The following SNTG1 variants were observed in gnomAD, a reference collection of about 807,000 sequenced individuals.
SNTG1 encodes syntrophin gamma 1.
Under a neutral mutation model 74.7 loss-of-function variants are expected in SNTG1, and 39 were observed. That is an observed-to-expected ratio of 0.52 (90% CI 0.40 to 0.68). The LOEUF (loss-of-function observed/expected upper bound fraction) is 0.68. Ranked by LOEUF, SNTG1 falls within the 30% of genes least tolerant of loss-of-function variation. The pLI is 0.00. For synonymous variants in SNTG1, 254 were observed against 217.1 expected, an observed-to-expected ratio of 1.17 and a Z score of -1.49; for missense variants, 685 against 609.5, an observed-to-expected ratio of 1.12 and a Z score of -1.30.
chr8:50,516,568 G>T (rs1563510993), intron 9 of SNTG1, among the ~76,000 whole-genome samples: 1 of 152,174 alleles, frequency 6.6e-6, no homozygotes, highest in South Asian at 2.1e-4. Context: ...TAGAGGAATT[G>T]CTAACTAGAA....
intron 1 of SNTG1, among the ~76,000 whole-genome samples, chr8:50,127,126 A>G (rs755710273): frequency 2.0e-5 from 3 of 152,150 alleles, no homozygotes; most frequent in Non-Finnish European, 4.4e-5. Context: ...CTGATTCTTT[A>G]AAACAGAAAG....
intron 2 of SNTG1, among the ~76,000 whole-genome samples, chr8:50,292,578 C>T (rs2089169499): frequency 1.3e-5 from 2 of 151,852 alleles, no homozygotes; most frequent in African/African-American, 2.4e-5. Context: ...TGTCTGGCGC[C>T]CAGATGGTCA....
At chr8:50,097,116 C>G (rs758519752) in intron 1 of SNTG1, among the ~76,000 whole-genome samples, 2 of 151,944 alleles carry the variant, frequency 1.3e-5, no homozygotes, top group Non-Finnish European at 2.9e-5. Flanking sequence ...ACTACAGGTG[C>G]CCACCACCAC....
chr8:50,012,362 A>G (rs1324672755), intron 1 of SNTG1, among the ~76,000 whole-genome samples: 1 of 152,138 alleles, frequency 6.6e-6, no homozygotes, highest in Non-Finnish European at 1.5e-5. Context: ...CTGCAATACA[A>G]TAAATCTCAT....
At chr8:50,412,156 T>A (rs933347248) in intron 4 of SNTG1, among the ~76,000 whole-genome samples, 4 of 152,348 alleles carry the variant, frequency 2.6e-5, no homozygotes, top group Non-Finnish European at 5.9e-5. Context: ...ATATTTATCT[T>A]AACGTGTTTT....
At chr8:50,667,469 C>A (rs920657348) in intron 15 of SNTG1, among the ~76,000 whole-genome samples, 1 of 151,932 alleles carries the variant, frequency 6.6e-6, no homozygotes, top group Non-Finnish European at 1.5e-5. Context: ...TGAAGGTCTA[C>A]CAGTTGTGTC....
intron 13 of SNTG1, among the ~76,000 whole-genome samples, chr8:50,641,173 A>G (rs1047489553): frequency 6.6e-6 from 1 of 152,178 alleles, no homozygotes; most frequent in Non-Finnish European, 1.5e-5. Flanking sequence ...ACTGACCTGA[A>G]GTACACGCCT....
At chr8:50,007,778 C>T (rs1815381748) in intron 1 of SNTG1, among the ~76,000 whole-genome samples, 2 of 152,042 alleles carry the variant, frequency 1.3e-5, no homozygotes, top group South Asian at 2.1e-4. Context: ...TCAATTTTCA[C>T]ACCGCTATAA....
intron 17 of SNTG1, among the ~76,000 whole-genome samples, chr8:50,723,514 C>T (rs909775332): frequency 4.6e-5 from 7 of 152,096 alleles, no homozygotes; most frequent in Non-Finnish European, 8.8e-5. Flanking sequence ...TATAAGCTCT[C>T]GTTTTAGTAT....
rs528292782 is a variant in SNTG1 at position 50,171,851 on chromosome 8, C to A, written c.-102-710C>A. Among the ~76,000 whole-genome samples, 5 of 152,236 alleles carry A rather than the reference C, an allele frequency of 3.3e-5. No homozygotes were observed. In the East Asian group the frequency reaches 5.8e-4, roughly 18 times the overall value. On this transcript the variant is annotated intron_variant, in intron 1 of 18. Coordinates refer to ENST00000642720, the MANE Select transcript of SNTG1 (RefSeq NM_018967.5). ...AGCTACAGAAGCAATGCTTATGGAG[C>A]CAGCTTCATCCCCTTGAGACTTCTG...
intron 1 of SNTG1, among the ~76,000 whole-genome samples, chr8:50,004,745 T>C (rs1815055895): frequency 6.6e-6 from 1 of 152,222 alleles, no homozygotes; most frequent in African/African-American, 2.4e-5. Context: ...CTTTGTCTCC[T>C]GAAATAACTT....
intron 9 of SNTG1, among the ~76,000 whole-genome samples, chr8:50,508,308 T>C (rs561581799): frequency 6.6e-6 from 1 of 152,342 alleles, no homozygotes; most frequent in East Asian, 1.9e-4. Flanking sequence ...ATTTTCTTAA[T>C]CCAGTCTATC....
chr8:50,006,066 G>A lies in SNTG1; in HGVS notation c.-103+93835G>A, dbSNP rs528264863. ...CAACCTCCGACTCCTGGGTTCAAGCGATTCTCCTGCCTCAGCCTCCAAAGT... is the reference window on the plus strand; with the variant it reads ...CAACCTCCGACTCCTGGGTTCAAGCAATTCTCCTGCCTCAGCCTCCAAAGT... On this transcript the variant is annotated intron_variant, in intron 1 of 18. Transcript: ENST00000642720. 1.4e-4 allele frequency among the ~76,000 whole-genome samples: 20 copies of A among 145,422 alleles called. No homozygotes were observed. The East Asian group carries it at 4.0e-3, about 29-fold the overall frequency.
intron 13 of SNTG1, among the ~76,000 whole-genome samples, chr8:50,610,735 G>A (rs900026483): frequency 2.0e-5 from 3 of 152,130 alleles, no homozygotes; most frequent in Non-Finnish European, 2.9e-5. Context: ...ACCGCTGAGA[G>A]TAGGGGTGGA....
chr8:50,767,797 G>C (rs945282643), intron 18 of SNTG1, among the ~76,000 whole-genome samples: 4 of 151,820 alleles, frequency 2.6e-5, no homozygotes, highest in African/African-American at 9.7e-5. Flanking sequence ...TTATGTATAT[G>C]TATTTTTTCT....
At chr8:50,563,589 AT>A (rs1220184667) in intron 12 of SNTG1, among the ~76,000 whole-genome samples, 2 of 152,116 alleles carry the variant, frequency 1.3e-5, no homozygotes, top group Non-Finnish European at 2.9e-5. Context: ...TTTTAAATAA[AT>A]TTTGTTTCTA....
Position 50,307,178 on chromosome 8 carries a change from G to A in SNTG1, c.-27-87034G>A, listed in dbSNP as rs538186347. Among the ~76,000 whole-genome samples, 8 of 152,016 alleles carry A rather than the reference G, an allele frequency of 5.3e-5. No homozygotes were observed. In the East Asian group the frequency reaches 9.7e-4, roughly 18 times the overall value. On this transcript the variant is annotated intron_variant, in intron 2 of 18. Transcript: ENST00000642720. ...CTTGGCTATTATGAATAGTTCTGAC[G>A]ACCAAGGTGTCAATCTCTTGATTAA... is the stretch of plus-strand genomic sequence containing the variant.
chr8:50,062,088 G>A (rs1820523077), intron 1 of SNTG1, among the ~76,000 whole-genome samples: 1 of 152,124 alleles, frequency 6.6e-6, no homozygotes, highest in African/African-American at 2.4e-5. Context: ...CTGTTACCCA[G>A]ACTGGAGTAC....
intron 17 of SNTG1, among the ~76,000 whole-genome samples, chr8:50,717,549 T>C (rs561226520): frequency 6.6e-6 from 1 of 152,196 alleles, no homozygotes; most frequent in Non-Finnish European, 1.5e-5. Flanking sequence ...AGCTAGCCCA[T>C]ATTTCAATAG....
Sources: allele counts gnomAD v4.1 joint callset (sites outside exome capture counted in the v4.1 genomes callset), GRCh38; gene constraint gnomAD v4.1.1; transcripts MANE v1.5; gene names NCBI Gene and HGNC (gene_info 2026-07-23, HGNC 2026-07-21).